CEP128: variants seen among roughly 807,000 people sequenced by gnomAD.
CEP128 encodes centrosomal protein 128kDa.
In CEP128, 132 loss-of-function variants were observed where a neutral mutation model predicts 156.7. The ratio of observed to expected loss-of-function variants is 0.84; its 90% CI spans 0.73 to 0.97. CEP128 has a LOEUF of 0.97. Ranked by LOEUF, CEP128 falls within the 50% of genes least tolerant of loss-of-function variation. CEP128 has a pLI of 0.00. For synonymous variants in CEP128, 469 were observed against 448.9 expected (o/e 1.04, Z -0.57); for missense variants, 1,252 against 1,281.9 (o/e 0.98, Z 0.36).
chr14:80,580,281 C>T lies in CEP128; in HGVS notation c.2856+93G>A, dbSNP rs957774967. ...GACATTGTCCTTGTCACCCTATTTG[C>T]TATACCAGTGTGAATGTGACAATAA... On this transcript the variant is annotated intron_variant, in intron 20 of 24. Transcript: ENST00000555265. The T allele has an allele frequency of 1.1e-4, 88 of 770,204 alleles. 1 individual carries two copies. The highest frequency in any genetic ancestry group is 1.1e-3 in the South Asian group (58 of 53,354). The allele number at this position is 770,204 out of a possible 1,614,324, so 47.7% of individuals were successfully genotyped here. A position where few individuals can be genotyped will look rare whatever the true frequency, so the allele number is the denominator to read the frequency against.
At chr14:80,501,247 T>C (rs1404726432) in intron 24 of CEP128, among the ~76,000 whole-genome samples, 2 of 152,136 alleles carry the variant, frequency 1.3e-5, no homozygotes, top group African/African-American at 2.4e-5. Flanking sequence ...GAGAAGATCC[T>C]AAAAGTTCCT....
intron 9 of CEP128, among the ~76,000 whole-genome samples, chr14:80,850,058 G>C (rs756597599): frequency 6.6e-6 from 1 of 152,052 alleles, no homozygotes; most frequent in Non-Finnish European, 1.5e-5. Flanking sequence ...TAGAGGGAGG[G>C]AGGGAAGGAG....
chr14:80,733,339 CGTGTGTGTGTGTGTGTGTGTGTGTGT>C (rs55964142), intron 19 of CEP128, among the ~76,000 whole-genome samples: 3 of 140,132 alleles, frequency 2.1e-5, no homozygotes, highest in Admixed American at 7.2e-5. Flanking sequence ...CCACATGGGT[CGTGTGTGTGTGTGTGTGTGTGTGTGT>C]GTGTGTGTGT....
chr14:80,633,909 C>T (rs974812288), intron 19 of CEP128, among the ~76,000 whole-genome samples: 3 of 152,196 alleles, frequency 2.0e-5, no homozygotes, highest in Admixed American at 6.5e-5. Flanking sequence ...ATGAATTCAT[C>T]AAGAGCTATG....
rs183831299 is a variant in CEP128 at position 80,610,933 on chromosome 14, G to A, written c.2807-30510C>T. On this transcript the variant is annotated intron_variant, in intron 19 of 24. Coordinates refer to ENST00000555265, the MANE Select transcript of CEP128 (RefSeq NM_152446.5). ...AGTAAAAAGTAAGATATTGAACAGC[G>A]GGTGGTATGCCATCATCTAGGTAAA... 9.2e-5 allele frequency among the ~76,000 whole-genome samples: 14 copies of A among 152,116 alleles called. No homozygotes were observed. In the East Asian group the frequency reaches 2.5e-3, roughly 27 times the overall value.
intron 13 of CEP128, chr14:80,830,876 T>G (rs1885754463): frequency 5.8e-6 from 2 of 346,140 alleles, no homozygotes; most frequent in African/African-American, 2.1e-5. Flanking sequence ...ACAAAAATAT[T>G]TTCAAATTTA....
chr14:80,654,745 C>G (rs1012633468), intron 19 of CEP128, among the ~76,000 whole-genome samples: 10 of 152,002 alleles, frequency 6.6e-5, no homozygotes, highest in African/African-American at 2.4e-4. Flanking sequence ...TCTCTTTCTA[C>G]TCCCCTCCTC....
chr14:80,607,588 C>T (rs972395864), intron 19 of CEP128, among the ~76,000 whole-genome samples: 2 of 152,090 alleles, frequency 1.3e-5, no homozygotes, highest in Non-Finnish European at 2.9e-5. Flanking sequence ...GTTAATCTTT[C>T]AGAGAAGCAT....
In CEP128 at chr14:80,803,651, T is replaced by C. The variant is rs189361066; in HGVS notation, c.1210-10541A>G. 7.2e-5 allele frequency among the ~76,000 whole-genome samples: 11 copies of C among 152,264 alleles called. No individual in the cohort carries two copies. The East Asian group carries it at 1.9e-3, about 27-fold the overall frequency. On this transcript the variant is annotated intron_variant, in intron 13 of 24. Coordinates refer to ENST00000555265, the MANE Select transcript of CEP128 (RefSeq NM_152446.5). ...GAGAAAAAAGATCAACATGTGAATCTGATCAACAAGACACCACTCCCAAAT... is the reference window on the plus strand; with the variant it reads ...GAGAAAAAAGATCAACATGTGAATCCGATCAACAAGACACCACTCCCAAAT...
chr14:80,582,818 A>AC (rs1458198935), intron 19 of CEP128, among the ~76,000 whole-genome samples: 1 of 152,116 alleles, frequency 6.6e-6, no homozygotes, highest in Non-Finnish European at 1.5e-5. Flanking sequence ...GGATGTGGCT[A>AC]CTTAGCTCCA....
chr14:80,489,298 C>A (rs1032356643), downstream of CEP128, among the ~76,000 whole-genome samples: 47 of 142,300 alleles, frequency 3.3e-4, no homozygotes, highest in Non-Finnish European at 1.7e-4. Context: ...AAGTCACACA[C>A]CAAGTGTCTG....
At chr14:80,734,307 T>C (rs866414415) in intron 19 of CEP128, among the ~76,000 whole-genome samples, 2 of 152,218 alleles carry the variant, frequency 1.3e-5, no homozygotes, top group East Asian at 1.9e-4. Flanking sequence ...TGTGTCTTCA[T>C]ACTAACATAA....
At chr14:80,776,596 C>T (rs865774689) in intron 16 of CEP128, among the ~76,000 whole-genome samples, 1 of 149,254 alleles carries the variant, frequency 6.7e-6, no homozygotes, top group Non-Finnish European at 1.5e-5. Context: ...CAACAAAAAG[C>T]GGAAATGTAA....
chr14:80,915,176 G>T lies in CEP128; in HGVS notation c.148-768C>A, dbSNP rs115707170. On this transcript the variant is annotated intron_variant, in intron 3 of 24. Coordinates refer to ENST00000555265, the MANE Select transcript of CEP128 (RefSeq NM_152446.5). ...AAGGAATTCTACACCACTATGCCCA[G>T]CTAAATTTTTTTTTTTTCCTAATTT... Among the ~76,000 whole-genome samples the T allele has an allele frequency of 6.3e-3, 935 of 147,514 alleles. 9 individuals carry two copies. Among genetic ancestry groups the T allele is most frequent in the African/African-American group, 0.022 (879 of 39,468 alleles).
chr14:80,510,410 T>C (rs1429901124), intron 23 of CEP128, among the ~76,000 whole-genome samples: 1 of 152,106 alleles, frequency 6.6e-6, no homozygotes, highest in Non-Finnish European at 1.5e-5. Context: ...TTGATTTCTT[T>C]TTCACATCGT....
chr14:80,732,763 T>C (rs964490489), intron 19 of CEP128, among the ~76,000 whole-genome samples: 7 of 152,044 alleles, frequency 4.6e-5, no homozygotes, highest in Non-Finnish European at 8.8e-5. Flanking sequence ...ACAAGAGTGT[T>C]CCTGCCTGGA....
chr14:80,746,896 G>A (rs541950048), intron 18 of CEP128, among the ~76,000 whole-genome samples: 3 of 152,226 alleles, frequency 2.0e-5, no homozygotes, highest in South Asian at 2.1e-4. Flanking sequence ...AAAGACAAAT[G>A]ATGCCATTTT....
intron 13 of CEP128, among the ~76,000 whole-genome samples, chr14:80,813,936 G>A (rs1470787838): frequency 6.6e-6 from 1 of 151,988 alleles, no homozygotes; most frequent in Non-Finnish European, 1.5e-5. Context: ...AATTTTTGTT[G>A]CGCAGAAATT....
chr14:80,606,612 A>AT (rs1308902014), intron 19 of CEP128, among the ~76,000 whole-genome samples: 1 of 152,142 alleles, frequency 6.6e-6, no homozygotes, highest in East Asian at 1.9e-4. Context: ...GAAAATGCTC[A>AT]TTGTTTAGAT....
Sources: allele counts gnomAD v4.1 joint callset (sites outside exome capture counted in the v4.1 genomes callset), GRCh38; gene constraint gnomAD v4.1.1; transcripts MANE v1.5; gene names NCBI Gene and HGNC (gene_info 2026-07-23, HGNC 2026-07-21).